EMSY: variants seen among roughly 807,000 people sequenced by gnomAD.
The protein encoded by EMSY is BRCA2-interacting transcriptional repressor EMSY.
EMSY carries 26 observed loss-of-function variants against 134.6 expected under a neutral mutation model. The observed-to-expected ratio is 0.19, with a 90% CI of 0.14 to 0.27. The LOEUF is 0.27. EMSY is among the 10% of genes least tolerant of loss of function. The pLI, the probability that EMSY is intolerant of heterozygous loss-of-function variation, is 1.00. For missense variants in EMSY, 1,305 were observed against 1,611.4 expected (o/e 0.81, Z 3.26); for synonymous variants, 579 against 577.8 (o/e 1.00, Z -0.03).
At chr11:76,531,063 C>T (rs76620021) in intron 14 of EMSY, among the ~76,000 whole-genome samples, 2,509 of 152,066 alleles carry the variant, frequency 0.016, 46 homozygotes, top group East Asian at 0.09. Flanking sequence ...TTCTCTGCCC[C>T]CCTTCTGCTG....
chr11:76,518,923 A>G, intron 11 of EMSY, among the ~76,000 whole-genome samples: 1 of 151,362 alleles, frequency 6.6e-6, no homozygotes. Context: ...TTATACATAA[A>G]TTATTTTGTG....
intron 8 of EMSY, among the ~76,000 whole-genome samples, chr11:76,478,631 G>A (rs1410419858): frequency 2.6e-5 from 4 of 151,798 alleles, no homozygotes; most frequent in East Asian, 3.9e-4. Context: ...GTGAGCCACC[G>A]CGCCCGGCCG....
At chr11:76,469,056 C>G (rs1270792626) in intron 7 of EMSY, among the ~76,000 whole-genome samples, 1 of 152,138 alleles carries the variant, frequency 6.6e-6, no homozygotes, top group African/African-American at 2.4e-5. Flanking sequence ...GATCAGAAAT[C>G]ATCTTGCAGG....
chr11:76,551,146 C>G (rs1157133926), exon 21 of EMSY: 1 of 151,980 alleles, frequency 6.6e-6, no homozygotes, highest in Non-Finnish European at 1.5e-5. Context: ...ATTTACAGTT[C>G]TAAATGTAAT....
chr11:76,446,557 A>C (rs1947419936), intron 1 of EMSY, among the ~76,000 whole-genome samples: 1 of 152,100 alleles, frequency 6.6e-6, no homozygotes, highest in Non-Finnish European at 1.5e-5. Flanking sequence ...GCCACTATGA[A>C]AGAACTTTAT....
At chr11:76,546,980 C>A in intron 20 of EMSY, 1 of 427,448 alleles carries the variant, frequency 2.3e-6, no homozygotes, top group Admixed American at 2.6e-5. Context: ...ATAGATGGTA[C>A]CTCACATTCC....
chr11:76,522,308 G>A (rs908282516), intron 11 of EMSY, among the ~76,000 whole-genome samples: 1 of 137,862 alleles, frequency 7.3e-6, no homozygotes, highest in Non-Finnish European at 1.5e-5. Context: ...GATTACAAAA[G>A]CATACATTGA....
exon 21 of EMSY, chr11:76,550,298 C>A: frequency 6.0e-6 from 3 of 502,184 alleles, no homozygotes; most frequent in Non-Finnish European, 9.4e-6. Flanking sequence ...GCTGCAGGAG[C>A]AGCTTTTTAA....
chr11:76,548,597 A>G (rs1470541044), intron 20 of EMSY, among the ~76,000 whole-genome samples: 2 of 152,250 alleles, frequency 1.3e-5, no homozygotes, highest in Non-Finnish European at 2.9e-5. Context: ...TCAAAGAAGT[A>G]GAGTGACTTA....
intron 9 of EMSY, among the ~76,000 whole-genome samples, chr11:76,510,494 C>T (rs1950235098): frequency 1.3e-5 from 2 of 152,198 alleles, no homozygotes; most frequent in African/African-American, 4.8e-5. Context: ...CCCTGCTTTA[C>T]GCACTGAGTG....
intron 9 of EMSY, among the ~76,000 whole-genome samples, chr11:76,512,349 T>G (rs1363696435): frequency 6.6e-6 from 1 of 152,146 alleles, no homozygotes; most frequent in Non-Finnish European, 1.5e-5. Context: ...ATTATTATTT[T>G]TGCATTGCTC....
At chr11:76,479,289 T>C (rs4290257) in intron 8 of EMSY, among the ~76,000 whole-genome samples, 138,793 of 152,234 alleles carry the variant, frequency 0.91, 64,009 homozygotes, top group South Asian at 0.98. Context: ...TGGTAAATTG[T>C]AATTAAAACA....
At chr11:76,460,308 G>T in intron 6 of EMSY, 2 of 451,100 alleles carry the variant, frequency 4.4e-6, no homozygotes, top group Non-Finnish European at 4.0e-6. Context: ...ATTGTCTGTG[G>T]GTAATCTGCC....
intron 2 of EMSY, among the ~76,000 whole-genome samples, chr11:76,450,678 G>A (rs117732669): frequency 0.018 from 2,769 of 151,972 alleles, 40 homozygotes; most frequent in Non-Finnish European, 0.027. Context: ...TTTTTGTAGG[G>A]ATGGGGTCTT....
At chr11:76,545,480 A>G (rs961016937) in intron 19 of EMSY, among the ~76,000 whole-genome samples, 1 of 152,200 alleles carries the variant, frequency 6.6e-6, no homozygotes, top group Non-Finnish European at 1.5e-5. Context: ...ATATGAAATA[A>G]TTTGAGCCAG....
chr11:76,528,450 C>T (rs61754148), exon 14 of EMSY: 15 of 1,605,602 alleles, frequency 9.3e-6, no homozygotes, highest in Non-Finnish European at 1.3e-5. Context: ...CTACAGAGTC[C>T]TCCCAGAGTT....
chr11:76,493,526 C>T (rs1344304097), intron 8 of EMSY, among the ~76,000 whole-genome samples: 1 of 152,150 alleles, frequency 6.6e-6, no homozygotes, highest in Non-Finnish European at 1.5e-5. Flanking sequence ...CATTGGCCGC[C>T]CATGGACCAA....
intron 9 of EMSY, among the ~76,000 whole-genome samples, chr11:76,504,464 A>C (rs1242833645): frequency 6.6e-6 from 1 of 152,142 alleles, no homozygotes; most frequent in Non-Finnish European, 1.5e-5. Flanking sequence ...GTAAGTACAC[A>C]TCAGAATCAC....
At chr11:76,509,718 G>A (rs957933933) in intron 9 of EMSY, among the ~76,000 whole-genome samples, 9 of 152,234 alleles carry the variant, frequency 5.9e-5, no homozygotes, top group South Asian at 2.1e-4. Context: ...GTGTAAAGAG[G>A]GGAGGTATAA....
Sources: allele counts gnomAD v4.1 joint callset (sites outside exome capture counted in the v4.1 genomes callset), GRCh38; gene constraint gnomAD v4.1.1; transcripts MANE v1.5; gene names NCBI Gene and HGNC (gene_info 2026-07-23, HGNC 2026-07-21).